TTC39B: variants seen among roughly 807,000 people sequenced by gnomAD.
The protein encoded by TTC39B is tetratricopeptide repeat domain 39B.
In TTC39B, 92 loss-of-function variants were observed where a neutral mutation model predicts 96.6. The ratio of observed to expected loss-of-function variants is 0.95; its 90% CI spans 0.80 to 1.13. The LOEUF (loss-of-function observed/expected upper bound fraction) is 1.13. Among genes scored for constraint, TTC39B ranks in the 50% most tolerant of loss-of-function variants. The pLI, the probability that TTC39B is intolerant of heterozygous loss-of-function variation, is 0.00. For synonymous variants in TTC39B, 367 were observed against 299.4 expected (o/e 1.23, Z -2.33); for missense variants, 955 against 809.3 (o/e 1.18, Z -2.18).
chr9:15,191,325 A>C, intron 9 of TTC39B, 70 bp from the exon 10 acceptor site: 1 of 1,098,810 alleles, frequency 9.1e-7, no homozygotes, highest in Non-Finnish European at 1.3e-6. Flanking sequence ...TAAACTAACA[A>C]CTTACAGTTT....
intron 1 of TTC39B, among the ~76,000 whole-genome samples, chr9:15,289,067 G>T (rs1467274310): frequency 6.6e-6 from 1 of 152,192 alleles, no homozygotes; most frequent in African/African-American, 2.4e-5. Flanking sequence ...ATCTACCCCA[G>T]GTAGCAAGTT....
exon 9 of TTC39B, chr9:15,192,613 G>C (rs1390402657): frequency 6.2e-7 from 1 of 1,614,014 alleles, no homozygotes; most frequent in Non-Finnish European, 8.5e-7. Flanking sequence ...CCACTGCCAA[G>C]CTTGACACCC....
At chr9:15,267,088 G>C (rs1700731991) in intron 2 of TTC39B, among the ~76,000 whole-genome samples, 1 of 151,998 alleles carries the variant, frequency 6.6e-6, no homozygotes, top group Non-Finnish European at 1.5e-5. Context: ...CAAAAAAAAA[G>C]GACACCAGAG....
chr9:15,264,150 A>G (rs1823039510), intron 2 of TTC39B, among the ~76,000 whole-genome samples: 1 of 152,212 alleles, frequency 6.6e-6, no homozygotes, highest in Admixed American at 6.5e-5. Context: ...CAGAGTTGAC[A>G]GTAGAATAAA....
intron 13 of TTC39B, among the ~76,000 whole-genome samples, chr9:15,189,306 C>G (rs1286739941): frequency 6.6e-6 from 1 of 152,174 alleles, no homozygotes; most frequent in East Asian, 1.9e-4. Context: ...AATCCCTGAG[C>G]TTGTTATTTG....
exon 20 of TTC39B, chr9:15,163,762 G>A (rs981239491): frequency 2.6e-5 from 4 of 152,072 alleles, no homozygotes; most frequent in African/African-American, 4.8e-5. Flanking sequence ...GTGATACTAC[G>A]GAATGAAAAA....
rs540833373 is a variant in TTC39B, at chr9:15,296,887, C to A, written c.240+10197G>T. The stretch of plus-strand genomic sequence containing the variant: ...GAGAGGCCAAGGCTGGGGGATCATG[C>A]GAGCCAAGAGGATCCCTTGAGCCCA... On this transcript the variant is annotated intron_variant, in intron 1 of 19. Coordinates refer to ENST00000512701, the Ensembl canonical transcript of TTC39B. 7.9e-5 allele frequency among the ~76,000 whole-genome samples: 12 copies of A among 152,218 alleles called. No individual in the cohort carries two copies. In the East Asian group the frequency reaches 2.1e-3, roughly 27 times the overall value.
intron 1 of TTC39B, among the ~76,000 whole-genome samples, chr9:15,280,020 C>A (rs1233150531): frequency 6.6e-6 from 1 of 151,448 alleles, no homozygotes; most frequent in Non-Finnish European, 1.5e-5. Context: ...CTCAGCCTCC[C>A]AAGTAGCTGG....
intron 1 of TTC39B, among the ~76,000 whole-genome samples, chr9:15,274,286 T>A (rs1823459745): frequency 6.6e-6 from 1 of 152,208 alleles, no homozygotes; most frequent in Non-Finnish European, 1.5e-5. Context: ...TATCATCCAA[T>A]TCTCTGTAAT....
intron 17 of TTC39B, among the ~76,000 whole-genome samples, chr9:15,179,315 A>G (rs1487966751): frequency 2.0e-5 from 3 of 152,316 alleles, no homozygotes; most frequent in Non-Finnish European, 4.4e-5. Flanking sequence ...AGTCCCTCCT[A>G]TTGAAATCCT....
chr9:15,291,659 G>A (rs1824193662), intron 1 of TTC39B, among the ~76,000 whole-genome samples: 2 of 152,152 alleles, frequency 1.3e-5, no homozygotes, highest in Admixed American at 6.5e-5. Flanking sequence ...CCTGCTAGAA[G>A]GATGCACAAA....
intron 6 of TTC39B, among the ~76,000 whole-genome samples, chr9:15,205,172 G>T (rs1819774017): frequency 6.6e-6 from 1 of 152,162 alleles, no homozygotes; most frequent in South Asian, 2.1e-4. Flanking sequence ...GCTGCACATA[G>T]AGCTCATGAT....
chr9:15,302,628 G>A lies in TTC39B; in HGVS notation c.240+4456C>T, dbSNP rs1313228000. Among the ~76,000 whole-genome samples, 3 of 148,410 alleles carry A rather than the reference G, an allele frequency of 2.0e-5. No homozygotes were observed. In the East Asian group the frequency reaches 6.1e-4, roughly 30 times the overall value. On this transcript the variant is annotated intron_variant, in intron 1 of 19. Coordinates refer to ENST00000512701, the Ensembl canonical transcript of TTC39B. ...AGAGGCCGAGGTAGGTGGATCACCT[G>A]AGGTCAGGAGTTCGAGACCGGCCTG...
At chr9:15,258,203 T>C (rs1008092763) in intron 2 of TTC39B, among the ~76,000 whole-genome samples, 37 of 152,268 alleles carry the variant, frequency 2.4e-4, no homozygotes, top group African/African-American at 7.2e-4. Context: ...CAAAATCTTA[T>C]AGTCACTTAA....
At chr9:15,220,040 C>G (rs1361082778) in intron 3 of TTC39B, among the ~76,000 whole-genome samples, 1 of 152,220 alleles carries the variant, frequency 6.6e-6, no homozygotes, top group Non-Finnish European at 1.5e-5. Context: ...AATATTTCAA[C>G]TTAGGCCAAA....
chr9:15,235,084 T>C (rs949388357), intron 2 of TTC39B, among the ~76,000 whole-genome samples: 1 of 151,256 alleles, frequency 6.6e-6, no homozygotes, highest in African/African-American at 2.4e-5. Context: ...ACAGAACTTC[T>C]GGAAATGAAA....
intron 2 of TTC39B, among the ~76,000 whole-genome samples, chr9:15,250,654 T>G (rs934376297): frequency 6.6e-6 from 1 of 152,234 alleles, no homozygotes; most frequent in Admixed American, 6.5e-5. Flanking sequence ...TGATAATTGA[T>G]CAACAATATT....
intron 1 of TTC39B, among the ~76,000 whole-genome samples, chr9:15,297,591 T>G (rs1254552684): frequency 6.6e-6 from 1 of 151,860 alleles, no homozygotes; most frequent in Non-Finnish European, 1.5e-5. Flanking sequence ...TCTAACTGCC[T>G]TTTTCAGAGG....
chr9:15,196,270 T>A (rs575287360), intron 8 of TTC39B, among the ~76,000 whole-genome samples: 1 of 152,384 alleles, frequency 6.6e-6, no homozygotes, highest in South Asian at 2.1e-4. Flanking sequence ...ATTTTGACCT[T>A]CAAGTCTTAT....
Sources: allele counts gnomAD v4.1 joint callset (sites outside exome capture counted in the v4.1 genomes callset), GRCh38; gene constraint gnomAD v4.1.1; transcripts MANE v1.5; gene names NCBI Gene and HGNC (gene_info 2026-07-23, HGNC 2026-07-21).